MMRN1: variants seen among roughly 807,000 people sequenced by gnomAD.
MMRN1 encodes multimerin-1.
In MMRN1, 94 loss-of-function variants were observed where a neutral mutation model predicts 100.7. The observed-to-expected ratio is 0.93, with a 90% CI of 0.79 to 1.11. MMRN1 has a LOEUF of 1.11. Among genes scored for constraint, MMRN1 ranks in the 50% least tolerant of loss-of-function variants. The pLI, the probability that MMRN1 is intolerant of heterozygous loss-of-function variation, is 0.00. For synonymous variants in MMRN1, 575 were observed against 505.0 expected (o/e 1.14, Z -1.86); for missense variants, 1,606 against 1,439.1 (o/e 1.12, Z -1.88).
rs1296425244 is a variant in MMRN1 at position 89,904,023 on chromosome 4, CTAATTCTG to C, written c.624-5252_624-5245del. ...GAACTTCATCATCAGAAATGACCTT[CTAATTCTG>C]ATCTACGAGGTGAAAAAAGCATGTA... On this transcript the variant is annotated intron_variant, in intron 1 of 7. Transcript: ENST00000264790. 2.6e-5 allele frequency among the ~76,000 whole-genome samples: 4 copies of C among 151,694 alleles called. No individual in the cohort carries two copies. The East Asian group carries it at 5.8e-4, about 22-fold the overall frequency.
At chr4:89,925,988 T>C (rs1016682800) in intron 4 of MMRN1, among the ~76,000 whole-genome samples, 1 of 152,184 alleles carries the variant, frequency 6.6e-6, no homozygotes, top group Non-Finnish European at 1.5e-5. Context: ...TAATACTCCA[T>C]TGTGTATATA....
intron 1 of MMRN1, among the ~76,000 whole-genome samples, chr4:89,896,953 G>A (rs1721224572): frequency 6.6e-6 from 1 of 151,640 alleles, no homozygotes; most frequent in Non-Finnish European, 1.5e-5. Flanking sequence ...GTTCACTTTG[G>A]GACAAGTAGA....
At chr4:89,917,988 A>AT (rs1721975299) in intron 3 of MMRN1, among the ~76,000 whole-genome samples, 1 of 151,784 alleles carries the variant, frequency 6.6e-6, no homozygotes, top group African/African-American at 2.4e-5. Flanking sequence ...TGTTAACGTC[A>AT]TTAGGCCAAA....
At chr4:89,916,115 A>G (rs960273031) in intron 3 of MMRN1, among the ~76,000 whole-genome samples, 1 of 151,712 alleles carries the variant, frequency 6.6e-6, no homozygotes, top group African/African-American at 2.4e-5. Context: ...GGCTGGTTAA[A>G]TCCCGTGTAA....
chr4:89,901,342 G>A (rs1159055200), intron 1 of MMRN1, among the ~76,000 whole-genome samples: 1 of 151,462 alleles, frequency 6.6e-6, no homozygotes, highest in Non-Finnish European at 1.5e-5. Flanking sequence ...TTTTTTTTCT[G>A]AGTTTAATGA....
intron 1 of MMRN1, among the ~76,000 whole-genome samples, chr4:89,908,363 T>A (rs1442912785): frequency 6.6e-6 from 1 of 151,458 alleles, no homozygotes; most frequent in Non-Finnish European, 1.5e-5. Context: ...CTGAAATTTA[T>A]GTTTTTAGTT....
chr4:89,889,837 C>A (rs193194385), intron 1 of MMRN1, among the ~76,000 whole-genome samples: 1 of 151,984 alleles, frequency 6.6e-6, no homozygotes, highest in African/African-American at 2.4e-5. Context: ...CTACTTGCAA[C>A]GAAAAATCAT....
intron 1 of MMRN1, among the ~76,000 whole-genome samples, chr4:89,901,034 G>A (rs1009591802): frequency 6.6e-5 from 10 of 151,522 alleles, no homozygotes; most frequent in Admixed American, 3.3e-4. Flanking sequence ...ACAAAATGAG[G>A]ACTGAAAAAT....
At chr4:89,908,757 C>T (rs1268100964) in intron 1 of MMRN1, among the ~76,000 whole-genome samples, 8 of 151,284 alleles carry the variant, frequency 5.3e-5, no homozygotes, top group Non-Finnish European at 1.0e-4. Context: ...GATTACATTG[C>T]TGAATTGTCT....
chr4:89,936,646 C>T lies in MMRN1; in HGVS notation c.2966C>T (p.Ser989Leu), dbSNP rs1438315634. ...LSNLTCCIDR[S>L]LPGSLANVVK... Reference sequence around the variant, plus strand: ...AATTTAACTTGTTGTATAGATCGATCGTTGCCTGGTAGTCTGGCAAATGTT... The same window carrying T: ...AATTTAACTTGTTGTATAGATCGATTGTTGCCTGGTAGTCTGGCAAATGTT... The change falls in exon 6 of 8, where the codon TCG becomes TTG. Residue 989 changes from serine (S) to leucine (L), a missense_variant. By Grantham distance (145) the Ser-to-Leu change is moderately radical (BLOSUM62 -2). Coordinates refer to ENST00000264790, the MANE Select transcript of MMRN1 (RefSeq NM_007351.3). The T allele has an allele frequency of 4.3e-6, 7 of 1,613,410 alleles. No individual in the cohort carries two copies. Among genetic ancestry groups the T allele is most frequent in the South Asian group, 1.1e-5 (1 of 91,032 alleles).
chr4:89,884,673 T>C (rs1720895984), intron 1 of MMRN1, among the ~76,000 whole-genome samples: 1 of 152,110 alleles, frequency 6.6e-6, no homozygotes, highest in East Asian at 1.9e-4. Context: ...CAGAGCACAG[T>C]GCAGCCTAGA....
upstream of MMRN1, among the ~76,000 whole-genome samples, chr4:89,894,384 G>A (rs969241231): frequency 6.6e-6 from 1 of 152,108 alleles, no homozygotes; most frequent in Admixed American, 6.6e-5. Flanking sequence ...ATAATTCAGA[G>A]TATATGTACT....
chr4:89,904,941 A>G (rs1721517145), intron 1 of MMRN1, among the ~76,000 whole-genome samples: 1 of 151,702 alleles, frequency 6.6e-6, no homozygotes, highest in Non-Finnish European at 1.5e-5. Context: ...TTGTTAAGAT[A>G]TAGTTACCTT....
rs759827110 is a variant in MMRN1 at position 89,934,818 on chromosome 4, T to A, written c.1138T>A (p.Ser380Thr). 2.0e-5 allele frequency: 29 copies of A among 1,468,342 alleles called. No homozygotes were observed. The African/African-American group carries it at 4.0e-4, about 20-fold the overall frequency. The allele number at this position is 1,468,342 out of a possible 1,614,324, so 91.0% of individuals were successfully genotyped here. A position where few individuals can be genotyped will look rare whatever the true frequency, so the allele number is the denominator to read the frequency against. ...ATTATTTCTTTCTCTAGGTCTAAAA[T>A]CCAAAAGCATTAATGTACTGATAAG... is the stretch of plus-strand genomic sequence containing the variant. Reference protein sequence around the residue: ...EFQSLLKGLKSKSINVLIRDI... With the variant: ...EFQSLLKGLKTKSINVLIRDI... Residue 380 changes from serine (S) to threonine (T), a missense_variant, in exon 6 of 8, where the codon TCC becomes ACC. Coordinates refer to ENST00000264790, the MANE Select transcript of MMRN1 (RefSeq NM_007351.3).
chr4:89,951,536 T>C, intron 6 of MMRN1, 69 bp from the exon 7 acceptor site: 14 of 1,411,898 alleles, frequency 9.9e-6, no homozygotes, highest in Non-Finnish European at 1.3e-5. Flanking sequence ...TGCTGCAAAC[T>C]ACGATTTGAG....
Position 89,919,692 on chromosome 4 carries a change from A to T in MMRN1, c.851-3476A>T, listed in dbSNP as rs1722029313. 3.3e-5 allele frequency among the ~76,000 whole-genome samples: 5 copies of T among 152,048 alleles called. No homozygotes were observed. The South Asian group carries it at 1.0e-3, about 31-fold the overall frequency. On this transcript the variant is annotated intron_variant, in intron 3 of 7. Coordinates refer to ENST00000264790, the MANE Select transcript of MMRN1 (RefSeq NM_007351.3). Reference sequence around the variant, plus strand: ...TTAGGACTAGGTTCCTAAGTGATACAATTTTTGTTTTATTCTCAGATTCAA... The same window carrying T: ...TTAGGACTAGGTTCCTAAGTGATACTATTTTTGTTTTATTCTCAGATTCAA...
Position 89,935,814 on chromosome 4 carries a change from G to T in MMRN1, c.2134G>T (p.Ala712Ser), listed in dbSNP as rs767259258. 1.9e-6 allele frequency: 3 copies of T among 1,613,272 alleles called. No homozygotes were observed. Among genetic ancestry groups the T allele is most frequent in the Non-Finnish European group, 2.5e-6 (3 of 1,179,620 alleles). ...AAATGAAGTACAGGGTCGTGATGAT[G>T]CCTTAGAAAGACGTATCAATGAATA... ...LRNEVQGRDD[A>S]LERRINEYAL... Residue 712 changes from alanine (A) to serine (S), a missense_variant, in exon 6 of 8, where the codon GCC becomes TCC. Transcript: ENST00000264790.
At chr4:89,919,530 T>C (rs962796513) in intron 3 of MMRN1, among the ~76,000 whole-genome samples, 4 of 151,750 alleles carry the variant, frequency 2.6e-5, no homozygotes, top group African/African-American at 9.7e-5. Flanking sequence ...GAAAATCAAG[T>C]TGATTTTCAT....
At chr4:89,893,401 A>T (rs962948669), upstream of MMRN1, among the ~76,000 whole-genome samples, 4 of 152,090 alleles carry the variant, frequency 2.6e-5, no homozygotes, top group Non-Finnish European at 5.9e-5. Flanking sequence ...TTAGTAGCTC[A>T]AGGAAGAATT....
Sources: gnomAD v4.1 joint callset for allele counts (sites outside exome capture counted in the v4.1 genomes callset) on GRCh38, gnomAD v4.1.1 for gene constraint, MANE v1.5 for transcripts, NCBI Gene and HGNC (gene_info 2026-07-23, HGNC 2026-07-21) for gene names.